FMNL3: variants seen among roughly 807,000 people sequenced by gnomAD.
FMNL3 encodes the protein formin-like protein 3.
Under a neutral mutation model 119.6 loss-of-function variants are expected in FMNL3, and 57 were observed. The observed-to-expected ratio is 0.48, with a 90% confidence interval of 0.39 to 0.59. FMNL3 has a LOEUF of 0.59. Ranked by LOEUF, FMNL3 falls within the 20% of genes least tolerant of loss-of-function variation. The pLI, the probability that FMNL3 is intolerant of heterozygous loss-of-function variation, is 0.00. For missense variants in FMNL3, 1,053 were observed against 1,323.5 expected, an observed-to-expected ratio of 0.80 and a Z score of 3.17; for synonymous variants, 491 against 507.3, an observed-to-expected ratio of 0.97 and a Z score of 0.43.
chr12:49,706,117 C>T (rs1380639494), intron 1 of FMNL3, among the ~76,000 whole-genome samples: 1 of 152,224 alleles, frequency 6.6e-6, no homozygotes, highest in African/African-American at 2.4e-5. Flanking sequence ...CCAATGTTTT[C>T]GCTCTGCAAA....
rs187795717 is a variant in FMNL3, at chr12:49,647,632, T to A, written c.2778+71A>T. ...GAGGAGTCGGAAAAGGCCCATACTTTAAGCCCAGGCTTCTCTCCCCCAGCC... is the reference window on the plus strand; with the variant it reads ...GAGGAGTCGGAAAAGGCCCATACTTAAAGCCCAGGCTTCTCTCCCCCAGCC... On this transcript the variant is annotated intron_variant, in intron 23 of 25. Transcript: ENST00000335154. This position sits in a 1 kb window ranked among gnomAD's most constrained non-coding sequence, Gnocchi z 4.9. 16 of 1,396,928 alleles carry A rather than the reference T, an allele frequency of 1.1e-5. No individual in the cohort carries two copies. The highest frequency in any genetic ancestry group is 1.5e-5 in the Non-Finnish European group (15 of 988,660). The allele number at this position is 1,396,928 out of a possible 1,614,324, so 86.5% of individuals were successfully genotyped here.
chr12:49,666,052 GT>G, intron 3 of FMNL3, 74 bp downstream of exon 3: 1 of 1,554,416 alleles, frequency 6.4e-7, no homozygotes, highest in Non-Finnish European at 8.9e-7. Flanking sequence ...CAATATCCAA[GT>G]CAAAGGGTTT....
intron 21 of FMNL3, 133 bp from the exon 22 acceptor site, chr12:49,648,486 G>C (rs1943286211): frequency 1.1e-6 from 1 of 912,750 alleles, no homozygotes. Flanking sequence ...ATGGACATAA[G>C]GAAGTACACA....
At chr12:49,680,472 C>T (rs1228684101) in intron 1 of FMNL3, among the ~76,000 whole-genome samples, 1 of 152,176 alleles carries the variant, frequency 6.6e-6, no homozygotes, top group Admixed American at 6.5e-5. Flanking sequence ...ATCATAATAA[C>T]CTCAGTCTGC....
intron 1 of FMNL3, among the ~76,000 whole-genome samples, chr12:49,694,835 C>G (rs1263042162): frequency 6.6e-6 from 1 of 152,008 alleles, no homozygotes; most frequent in Non-Finnish European, 1.5e-5. Context: ...TTGCTTGAAC[C>G]CAGGCAGCAG....
Position 49,649,686 on chromosome 12 carries a change from T to C in FMNL3, c.2235+5A>G. 1.9e-6 allele frequency: 3 copies of C among 1,614,020 alleles called. No individual in the cohort carries two copies. The highest frequency in any genetic ancestry group is 1.1e-5 in the South Asian group (1 of 91,082). On this transcript the variant is annotated splice_donor_5th_base_variant and intron_variant, in intron 18 of 25. Transcript: ENST00000335154. The surrounding 1 kb of genome is among the most constrained non-coding windows in gnomAD (Gnocchi z 5.6). ...CCAGAGCCATGAGTTGGGTGGGGGC[T>C]GTACCGGTGTGAGCATCTGCAGGTT...
chr12:49,672,950 G>C (rs561223314), intron 1 of FMNL3, among the ~76,000 whole-genome samples: 11 of 152,336 alleles, frequency 7.2e-5, no homozygotes, highest in African/African-American at 2.6e-4. Flanking sequence ...TCGAGAGACA[G>C]GGAGAGAGAC....
rs568734956 is a variant in FMNL3 at position 49,661,816 on chromosome 12, A to G, written c.452+150T>C. On this transcript the variant is annotated intron_variant, in intron 5 of 25. Coordinates refer to ENST00000335154, the MANE Select transcript of FMNL3 (RefSeq NM_175736.5). ...CAGACATCTCCGGGCTTGCCTGCCTACTTCCACACCACTGCTTGGGCTACT... is the reference window on the plus strand; with the variant it reads ...CAGACATCTCCGGGCTTGCCTGCCTGCTTCCACACCACTGCTTGGGCTACT... 4.0e-5 allele frequency: 29 copies of G among 719,694 alleles called. No homozygotes were observed. In the South Asian group the frequency reaches 5.0e-4, roughly 12 times the overall value. 44.6% of individuals were successfully genotyped at this position (719,694 alleles called of 1,614,324 possible).
chr12:49,684,239 T>C (rs375827647), intron 1 of FMNL3, among the ~76,000 whole-genome samples: 1 of 152,126 alleles, frequency 6.6e-6, no homozygotes, highest in Non-Finnish European at 1.5e-5. Flanking sequence ...TCTTGCCCCC[T>C]CTCTGTTTCT....
intron 10 of FMNL3, 55 bp downstream of exon 10, chr12:49,654,855 G>A: frequency 6.5e-7 from 1 of 1,549,436 alleles, no homozygotes; most frequent in South Asian, 1.1e-5. Context: ...CTGTTGTCAA[G>A]GAACACACAC....
In FMNL3 at chr12:49,649,003, G is replaced by A. The variant is rs765812410; in HGVS notation, c.2515+26C>T. The A allele has an allele frequency of 7.7e-6, 12 of 1,565,990 alleles. No homozygotes were observed. The Admixed American group carries it at 2.0e-4, about 26-fold the overall frequency. ...TTGTCCTGGGCTGGATGTGAGGGCA[G>A]GCCCACCCAGCCAGGCTCTCCTCAC... On this transcript the variant is annotated intron_variant, in intron 21 of 25. Coordinates refer to ENST00000335154, the MANE Select transcript of FMNL3 (RefSeq NM_175736.5). The surrounding 1 kb of genome is among the most constrained non-coding windows in gnomAD (Gnocchi z 5.6).
chr12:49,645,472 G>C lies in FMNL3; in HGVS notation c.*343C>G, dbSNP rs1465143053. ...GGAAGGGAAAAAAAAAGAAAGAACA[G>C]TTGCTCTCTCCTCTCATCCCTCTGG... On this transcript the variant is annotated 3_prime_UTR_variant, in exon 26 of 26. Coordinates refer to ENST00000335154, the MANE Select transcript of FMNL3 (RefSeq NM_175736.5). The C allele has an allele frequency of 4.1e-6, 1 of 245,510 alleles. No individual in the cohort carries two copies. Among genetic ancestry groups the C allele is most frequent in the Non-Finnish European group, 7.8e-6 (1 of 128,576 alleles). 15.2% of individuals were successfully genotyped at this position (245,510 alleles called of 1,614,324 possible).
chr12:49,650,218 C>A (rs1318241323), intron 17 of FMNL3, among the ~76,000 whole-genome samples: 1 of 152,144 alleles, frequency 6.6e-6, no homozygotes, highest in Non-Finnish European at 1.5e-5. Context: ...CAACTCTCTA[C>A]CTTCTCCTGC....
rs575695421 is a variant in FMNL3, at chr12:49,707,398, A to C, written c.-218T>G. 1.1e-5 allele frequency: 4 copies of C among 365,966 alleles called. No individual in the cohort carries two copies. The highest frequency in any genetic ancestry group is 8.3e-5 in the East Asian group (2 of 24,074). 22.7% of individuals were successfully genotyped at this position (365,966 alleles called of 1,614,324 possible). Reference sequence around the variant, plus strand: ...GGACAGCCGCACCGAAGCAAGGCGGACGGAGGCGGCCGGCTCTTGCTCACA... The same window carrying C: ...GGACAGCCGCACCGAAGCAAGGCGGCCGGAGGCGGCCGGCTCTTGCTCACA... On this transcript the variant is annotated 5_prime_UTR_variant, in exon 1 of 26. Coordinates refer to ENST00000335154, the MANE Select transcript of FMNL3 (RefSeq NM_175736.5).
intron 4 of FMNL3, among the ~76,000 whole-genome samples, chr12:49,665,021 T>A (rs1943849322): frequency 6.6e-6 from 1 of 151,532 alleles, no homozygotes; most frequent in African/African-American, 2.4e-5. Flanking sequence ...CAGTTCTACA[T>A]CACGTGTCCC....
chr12:49,675,374 G>A (rs1000714466), intron 1 of FMNL3, among the ~76,000 whole-genome samples: 1 of 152,294 alleles, frequency 6.6e-6, no homozygotes, highest in Middle Eastern at 3.4e-3. Context: ...TTCTGCTGGG[G>A]GCAGCTTATT....
Position 49,653,892 on chromosome 12 carries a change from A to T in FMNL3, c.1072-18T>A, listed in dbSNP as rs1167577584. 1 of 1,608,912 alleles carries T rather than the reference A, an allele frequency of 6.2e-7. No homozygotes were observed. The highest frequency in any genetic ancestry group is 1.3e-5 in the African/African-American group (1 of 74,812). On this transcript the variant is annotated intron_variant, in intron 11 of 25. Coordinates refer to ENST00000335154, the MANE Select transcript of FMNL3 (RefSeq NM_175736.5). ...CTTGACTTCTGGGGGAAGAGCAGAG[A>T]GTAGGAGTAGTTGTAGGAGCAGGCA...
chr12:49,669,597 C>T (rs190553153), intron 1 of FMNL3, among the ~76,000 whole-genome samples: 7 of 152,212 alleles, frequency 4.6e-5, no homozygotes, highest in African/African-American at 1.7e-4. Flanking sequence ...TTTGGGAGGC[C>T]GAGGTGGGCG....
At chr12:49,668,206 C>T (rs935165807) in intron 2 of FMNL3, among the ~76,000 whole-genome samples, 7 of 151,008 alleles carry the variant, frequency 4.6e-5, no homozygotes, top group African/African-American at 1.5e-4. Flanking sequence ...AATCCTATAC[C>T]CCTGATCTAC....
Sources: allele counts gnomAD v4.1 joint callset (sites outside exome capture counted in the v4.1 genomes callset), GRCh38; gene constraint gnomAD v4.1.1; non-coding constraint Gnocchi (gnomAD v3.1); transcripts MANE v1.5; gene names NCBI Gene and HGNC (gene_info 2026-07-23, HGNC 2026-07-21).